The following PRELID2 variants were observed in gnomAD, a reference collection of about 807,000 sequenced individuals.
The protein encoded by PRELID2 is PRELI domain-containing protein 2.
PRELID2 carries 25 observed loss-of-function variants against 28.4 expected under a neutral mutation model. That is an observed-to-expected ratio of 0.88 (90% CI 0.64 to 1.23). The LOEUF (loss-of-function observed/expected upper bound fraction) is 1.23. Among genes scored for constraint, PRELID2 ranks in the 50% most tolerant of loss-of-function variants. PRELID2 has a pLI of 0.00. For synonymous variants in PRELID2, 76 were observed against 71.6 expected, an observed-to-expected ratio of 1.06 and a Z score of -0.31; for missense variants, 201 against 214.4, an observed-to-expected ratio of 0.94 and a Z score of 0.39.
chr5:145,408,438 CATATATATGTATAAT>C, the PRELID2 span, among the ~76,000 whole-genome samples: 2 of 141,942 alleles, frequency 1.4e-5, no homozygotes, highest in African/African-American at 2.6e-5. Context: ...ATATGTATAA[CATATATATGTATAAT>C]ATATATGTAT....
the PRELID2 span, chr5:145,230,005 T>A: frequency 1.4e-6 from 1 of 729,666 alleles, no homozygotes; most frequent in African/African-American, 1.7e-5. Context: ...ATCAACTCCC[T>A]CAGACTGAAG....
chr5:145,392,430 C>T, the PRELID2 span, among the ~76,000 whole-genome samples: 4 of 152,142 alleles, frequency 2.6e-5, no homozygotes, highest in East Asian at 5.8e-4. Context: ...TATCTCCCAC[C>T]GGGTCTCTCT....
chr5:145,467,160 C>T (rs1001650311), downstream of PRELID2, among the ~76,000 whole-genome samples: 13 of 152,116 alleles, frequency 8.5e-5, no homozygotes, highest in Non-Finnish European at 1.6e-4. Flanking sequence ...TCCACTATCC[C>T]AGTGGTTATC....
intron 1 of PRELID2, among the ~76,000 whole-genome samples, chr5:145,666,416 C>T (rs545450533): frequency 6.6e-6 from 1 of 152,034 alleles, no homozygotes; most frequent in East Asian, 1.9e-4. Flanking sequence ...ATGGGAAAGA[C>T]TAGCTTCACC....
intron 1 of PRELID2, among the ~76,000 whole-genome samples, chr5:145,629,941 C>T (rs1004799467): frequency 6.6e-6 from 1 of 152,126 alleles, no homozygotes; most frequent in Non-Finnish European, 1.5e-5. Flanking sequence ...ATCACATTAG[C>T]TTGCAAGGAG....
intron 1 of PRELID2, among the ~76,000 whole-genome samples, chr5:145,740,315 TATATAA>T (rs1288636612): frequency 4.5e-4 from 40 of 88,884 alleles, no homozygotes; most frequent in African/African-American, 1.7e-3. Context: ...TATATATATA[TATATAA>T]ATCCTAAATG....
the PRELID2 span, among the ~76,000 whole-genome samples, chr5:145,419,870 C>A: frequency 6.6e-6 from 1 of 152,026 alleles, no homozygotes; most frequent in Non-Finnish European, 1.5e-5. Context: ...TTAGGTCTAA[C>A]ATTTAACTCT....
At chr5:145,799,175 G>A (rs1269243931) in intron 4 of PRELID2, among the ~76,000 whole-genome samples, 1 of 146,792 alleles carries the variant, frequency 6.8e-6, no homozygotes, top group African/African-American at 2.5e-5. Context: ...TTACTTGGCA[G>A]AAACTTTGCA....
At chr5:145,414,272 C>A in the PRELID2 span, among the ~76,000 whole-genome samples, 18 of 152,116 alleles carry the variant, frequency 1.2e-4, no homozygotes, top group African/African-American at 4.1e-4. Context: ...AACTACTTGG[C>A]AGATGTGTCC....
At chr5:145,344,083 G>T in the PRELID2 span, among the ~76,000 whole-genome samples, 31 of 151,966 alleles carry the variant, frequency 2.0e-4, no homozygotes, top group African/African-American at 7.0e-4. Flanking sequence ...AACATACAAA[G>T]AAGAACTAAT....
chr5:145,340,868 G>T, the PRELID2 span, among the ~76,000 whole-genome samples: 265 of 150,448 alleles, frequency 1.8e-3, 1 homozygote, highest in African/African-American at 6.2e-3. Context: ...GGCATGCTGT[G>T]TCTAACACTG....
intron 1 of PRELID2, among the ~76,000 whole-genome samples, chr5:145,479,683 T>C (rs1053352687): frequency 6.6e-6 from 1 of 152,206 alleles, no homozygotes; most frequent in African/African-American, 2.4e-5. Context: ...GTTAAGTTAA[T>C]CTCTCATAGT....
the PRELID2 span, among the ~76,000 whole-genome samples, chr5:145,373,305 G>A: frequency 2.6e-4 from 25 of 94,800 alleles, 2 homozygotes; most frequent in Admixed American, 5.9e-4. Flanking sequence ...TATAATATAC[G>A]ATATATATTA....
intron 1 of PRELID2, among the ~76,000 whole-genome samples, chr5:145,594,486 T>C (rs1753274501): frequency 6.6e-6 from 1 of 152,160 alleles, no homozygotes; most frequent in South Asian, 2.1e-4. Flanking sequence ...CTTTGAAGAA[T>C]TACGCTCACT....
the PRELID2 span, among the ~76,000 whole-genome samples, chr5:145,250,372 G>T: frequency 6.6e-6 from 1 of 152,118 alleles, no homozygotes; most frequent in African/African-American, 2.4e-5. Context: ...AATGGTGCTA[G>T]AATTCAGAGT....
intron 6 of PRELID2, among the ~76,000 whole-genome samples, chr5:145,763,727 T>C (rs1052669564): frequency 2.0e-5 from 3 of 152,234 alleles, no homozygotes; most frequent in East Asian, 3.9e-4. Flanking sequence ...GAGGTAATTC[T>C]ACATTACCCA....
In PRELID2 at chr5:145,768,809, G is replaced by T. The variant is rs1757930742; in HGVS notation, c.475-3809C>A. 2.0e-5 allele frequency among the ~76,000 whole-genome samples: 3 copies of T among 152,042 alleles called. No individual in the cohort carries two copies. The South Asian group carries it at 6.2e-4, about 32-fold the overall frequency. ...TTTATTGAATCAATTAAGTTCACAG[G>T]GTGACAGTTGATTTTTCTTTCCCTT... On this transcript the variant is annotated intron_variant, in intron 5 of 6. Coordinates refer to ENST00000683046, the MANE Select transcript of PRELID2 (RefSeq NM_205846.3).
At chr5:145,615,539 G>T (rs908992643) in intron 1 of PRELID2, among the ~76,000 whole-genome samples, 2 of 118,852 alleles carry the variant, frequency 1.7e-5, no homozygotes, top group African/African-American at 7.8e-5. Flanking sequence ...TGTTAGCCAG[G>T]ATGGTCTCGA....
At chr5:145,325,697 C>A in the PRELID2 span, among the ~76,000 whole-genome samples, 3 of 152,234 alleles carry the variant, frequency 2.0e-5, no homozygotes, top group East Asian at 5.8e-4. Context: ...GGTCTTCTAA[C>A]CTTATTCCCT....
Sources: gnomAD v4.1 joint callset for allele counts (sites outside exome capture counted in the v4.1 genomes callset) on GRCh38, gnomAD v4.1.1 for gene constraint, MANE v1.5 for transcripts, NCBI Gene and HGNC (gene_info 2026-07-23, HGNC 2026-07-21) for gene names.